The following ADAMTS17 variants were observed in gnomAD, a reference collection of about 807,000 sequenced individuals.
ADAMTS17 encodes ADAM metallopeptidase with thrombospondin type 1 motif 17, also known as A disintegrin and metalloproteinase with thrombospondin motifs 17.
In ADAMTS17, 113 loss-of-function variants were observed where a neutral mutation model predicts 141.5. The ratio of observed to expected loss-of-function variants is 0.80; its 90% CI spans 0.69 to 0.93. ADAMTS17 has a LOEUF of 0.93. Ranked by LOEUF, ADAMTS17 falls within the 40% of genes least tolerant of loss-of-function variation. The pLI is 0.00. For missense variants in ADAMTS17, 1,659 were observed against 1,517.9 expected, an observed-to-expected ratio of 1.09 and a Z score of -1.54; for synonymous variants, 768 against 630.6, an observed-to-expected ratio of 1.22 and a Z score of -3.27.
At chr15:100,149,441 T>C (rs112581955) in intron 10 of ADAMTS17, among the ~76,000 whole-genome samples, 4 of 152,238 alleles carry the variant, frequency 2.6e-5, no homozygotes, top group African/African-American at 4.8e-5. Flanking sequence ...CCAGTTTTAA[T>C]CAGTAGTTCA....
intron 10 of ADAMTS17, among the ~76,000 whole-genome samples, chr15:100,143,411 A>C (rs1283337066): frequency 6.6e-6 from 1 of 151,986 alleles, no homozygotes; most frequent in Non-Finnish European, 1.5e-5. Context: ...AATCATAAAA[A>C]AGACTGATTG....
At chr15:100,023,474 G>T (rs938741750) in intron 18 of ADAMTS17, among the ~76,000 whole-genome samples, 14 of 152,042 alleles carry the variant, frequency 9.2e-5, no homozygotes, top group Admixed American at 9.2e-4. Context: ...CCAAAGTGGT[G>T]GGATTACAGG....
At chr15:99,988,652 C>A (rs776221874) in intron 20 of ADAMTS17, among the ~76,000 whole-genome samples, 1 of 152,196 alleles carries the variant, frequency 6.6e-6, no homozygotes, top group Non-Finnish European at 1.5e-5. Flanking sequence ...GACTCCAATA[C>A]CTCACTCTTC....
chr15:100,109,182 T>C, intron 13 of ADAMTS17, 66 bp from the exon 14 acceptor site: 2 of 1,554,338 alleles, frequency 1.3e-6, no homozygotes, highest in Non-Finnish European at 1.7e-6. Flanking sequence ...AGGGCACAGG[T>C]ACATGTGGGC....
At chr15:100,091,615 C>T (rs1246315839) in intron 15 of ADAMTS17, among the ~76,000 whole-genome samples, 2 of 152,182 alleles carry the variant, frequency 1.3e-5, no homozygotes, top group African/African-American at 4.8e-5. Flanking sequence ...GTCTGAATTT[C>T]TCAAGTAGAC....
At chr15:100,145,749 A>G (rs950284723) in intron 10 of ADAMTS17, among the ~76,000 whole-genome samples, 1 of 152,248 alleles carries the variant, frequency 6.6e-6, no homozygotes, top group Admixed American at 6.5e-5. Context: ...GCTTAATCAC[A>G]GGAATAAGCA....
At chr15:100,164,981 C>A (rs570428743) in intron 8 of ADAMTS17, among the ~76,000 whole-genome samples, 1 of 152,192 alleles carries the variant, frequency 6.6e-6, no homozygotes, top group Non-Finnish European at 1.5e-5. Flanking sequence ...TGGCCTAGGG[C>A]ACAGCCTCCC....
chr15:100,224,786 G>A (rs1333909952), intron 7 of ADAMTS17, among the ~76,000 whole-genome samples: 4 of 152,228 alleles, frequency 2.6e-5, no homozygotes, highest in Non-Finnish European at 5.9e-5. Context: ...TCCACTTCCA[G>A]AGAGAGCCTC....
Position 100,341,327 on chromosome 15 carries a change from G to A in ADAMTS17, c.162C>T (p.Pro54=), listed in dbSNP as rs1355218728. 9.7e-7 allele frequency: 1 copy of A among 1,025,768 alleles called. No individual in the cohort carries two copies. The highest frequency in any genetic ancestry group is 1.7e-5 in the African/African-American group (1 of 57,594). 63.5% of individuals were successfully genotyped at this position (1,025,768 alleles called of 1,614,324 possible). ...GCCGCCGTCGGGGCCCGGGGGCTGC[G>A]GGCAGCGGCGGCAGGTGCACGTCGT... ...RPDDVHLPPL[P]AAPGPRRRRR... is the part of the protein sequence containing the mutation. The change falls in exon 2 of 22, where the codon CCC becomes CCT. Residue 54 remains proline (P), a synonymous_variant. Transcript: ENST00000268070.
intron 18 of ADAMTS17, among the ~76,000 whole-genome samples, chr15:100,002,671 CA>C (rs888168829): frequency 3.9e-5 from 6 of 152,134 alleles, no homozygotes; most frequent in Admixed American, 2.6e-4. Context: ...AGGCTTCCCA[CA>C]AAAGTGATTT....
chr15:100,197,186 C>G (rs140754419), intron 8 of ADAMTS17, among the ~76,000 whole-genome samples: 2,191 of 152,326 alleles, frequency 0.014, 28 homozygotes, highest in Non-Finnish European at 0.021. Context: ...TGAGAAAAGA[C>G]CTCCATGCGG....
intron 3 of ADAMTS17, among the ~76,000 whole-genome samples, chr15:100,301,484 C>T (rs866183322): frequency 1.1e-4 from 17 of 149,152 alleles, no homozygotes; most frequent in Admixed American, 2.7e-4. Flanking sequence ...ACCACCACAC[C>T]GGGCTAATTT....
intron 15 of ADAMTS17, among the ~76,000 whole-genome samples, chr15:100,082,958 C>T (rs184655045): frequency 2.6e-5 from 4 of 152,046 alleles, no homozygotes; most frequent in East Asian, 1.9e-4. Flanking sequence ...AATGAAGAGG[C>T]GTTTCCTAGA....
intron 18 of ADAMTS17, among the ~76,000 whole-genome samples, chr15:100,017,155 G>A (rs923424962): frequency 1.3e-5 from 2 of 152,270 alleles, no homozygotes; most frequent in South Asian, 2.1e-4. Flanking sequence ...GGGGAAAGCC[G>A]GCAGTCACAG....
rs562193496 is a variant in ADAMTS17 at position 100,076,287 on chromosome 15, C to T, written c.2137+20069G>A. On this transcript the variant is annotated intron_variant, in intron 15 of 21. Coordinates refer to ENST00000268070, the MANE Select transcript of ADAMTS17 (RefSeq NM_139057.4). ...GGAACTCCTGACCTCAGGTGATCCA[C>T]CTGCCCCGGCCTCCCAAAGTGCTGG... 2.6e-5 allele frequency among the ~76,000 whole-genome samples: 4 copies of T among 152,288 alleles called. No homozygotes were observed. In the South Asian group the frequency reaches 8.3e-4, roughly 32 times the overall value.
In ADAMTS17 at chr15:99,974,275, G is replaced by A. The variant is rs571067191; in HGVS notation, c.*127C>T. The A allele has an allele frequency of 1.8e-5, 22 of 1,248,178 alleles. No individual in the cohort carries two copies. The highest frequency in any genetic ancestry group is 4.7e-5 in the East Asian group (2 of 42,704). The allele number at this position is 1,248,178 out of a possible 1,614,324, so 77.3% of individuals were successfully genotyped here. On this transcript the variant is annotated 3_prime_UTR_variant, in exon 22 of 22. Transcript: ENST00000268070. ...CACTAATGGCAAACGCCAAGTCCACGCTCATGTTCTATGTAGTTGGATTCT... is the reference window on the plus strand; with the variant it reads ...CACTAATGGCAAACGCCAAGTCCACACTCATGTTCTATGTAGTTGGATTCT...
At chr15:100,065,634 GTTTTCCCACCGA>G (rs1375976844) in intron 15 of ADAMTS17, among the ~76,000 whole-genome samples, 2 of 152,164 alleles carry the variant, frequency 1.3e-5, no homozygotes, top group Non-Finnish European at 2.9e-5. Context: ...TGCTTCCGAA[GTTTTCCCACCGA>G]AAAAGATTGT....
In ADAMTS17 at chr15:100,281,387, T is replaced by G; in HGVS notation, c.631A>C (p.Thr211Pro). Residue 211 changes from threonine to proline, a missense_variant, in exon 4 of 22, where the codon ACG (threonine) becomes CCG (proline). Physicochemically the swap from Thr to Pro is conservative, Grantham distance 38. Coordinates refer to ENST00000268070, the MANE Select transcript of ADAMTS17 (RefSeq NM_139057.4). ...CAGTCCCGCGAAGGCCTGCCCCACG[T>G]CGGCTTCTTCTTTTCTAGAAAATGA... is the stretch of plus-strand genomic sequence containing the variant. Reference protein sequence around the residue: ...CKVLTEKKKPTWGRPSRDWRE... With the variant: ...CKVLTEKKKPPWGRPSRDWRE... The G allele has an allele frequency of 6.2e-7, 1 of 1,612,602 alleles. No individual in the cohort carries two copies. The highest frequency in any genetic ancestry group is 8.5e-7 in the Non-Finnish European group (1 of 1,179,940).
At chr15:100,127,685 G>A (rs577473893) in intron 12 of ADAMTS17, among the ~76,000 whole-genome samples, 12 of 152,312 alleles carry the variant, frequency 7.9e-5, no homozygotes, top group African/African-American at 2.2e-4. Flanking sequence ...GGGTACAAGC[G>A]ATTCTCCCGC....
Sources: gnomAD v4.1 joint callset for allele counts (sites outside exome capture counted in the v4.1 genomes callset) on GRCh38, gnomAD v4.1.1 for gene constraint, MANE v1.5 for transcripts, NCBI Gene and HGNC (gene_info 2026-07-23, HGNC 2026-07-21) for gene names.